The following ELL2 variants were observed in gnomAD, a reference collection of about 807,000 sequenced individuals.
The protein encoded by ELL2 is elongation factor for RNA polymerase II 2, also known as RNA polymerase II elongation factor ELL2.
In ELL2, 21 loss-of-function variants were observed where a neutral mutation model predicts 72.8. That is an observed-to-expected ratio of 0.29 (90% CI 0.20 to 0.42). The LOEUF is 0.42. Among genes scored for constraint, ELL2 ranks in the 10% least tolerant of loss-of-function variants. The pLI is 1.00. For missense variants in ELL2, 568 were observed against 772.8 expected, an observed-to-expected ratio of 0.73 and a Z score of 3.14; for synonymous variants, 266 against 283.2, an observed-to-expected ratio of 0.94 and a Z score of 0.61.
intron 2 of ELL2, among the ~76,000 whole-genome samples, chr5:95,938,533 G>A (rs1235647151): frequency 1.3e-5 from 2 of 152,120 alleles, no homozygotes; most frequent in Non-Finnish European, 2.9e-5. Context: ...AGGCCAGCCT[G>A]GGCAACACAG....
chr5:95,919,347 T>C, intron 3 of ELL2, 77 bp downstream of exon 3: 2 of 1,489,088 alleles, frequency 1.3e-6, no homozygotes, highest in Non-Finnish European at 1.8e-6. Context: ...GAATATTATG[T>C]ATTGTATTGT....
chr5:95,944,496 T>C (rs926547426), intron 1 of ELL2, among the ~76,000 whole-genome samples: 7 of 152,210 alleles, frequency 4.6e-5, no homozygotes, highest in African/African-American at 1.7e-4. Context: ...TCCAATTTTT[T>C]AGTAGATTTT....
chr5:95,913,204 G>T (rs576498393), intron 4 of ELL2: 1 of 152,316 alleles, frequency 6.6e-6, no homozygotes, highest in Non-Finnish European at 1.5e-5. Context: ...GATAGATGAG[G>T]ATGAGGATCA....
At chr5:95,950,902 GTGTATATATATA>G (rs1441914202) in intron 1 of ELL2, among the ~76,000 whole-genome samples, 4,696 of 74,990 alleles carry the variant, frequency 0.063, 243 homozygotes, top group South Asian at 0.081. Flanking sequence ...ATGTATGTAT[GTGTATATATATA>G]TATATATATA....
intron 1 of ELL2, among the ~76,000 whole-genome samples, chr5:95,951,094 G>T (rs1751377841): frequency 6.6e-6 from 1 of 151,678 alleles, no homozygotes; most frequent in Admixed American, 6.6e-5. Context: ...ACTTGGCCAG[G>T]CATGGTGGCT....
intron 2 of ELL2, among the ~76,000 whole-genome samples, chr5:95,933,795 A>AT (rs61341229): frequency 0.075 from 11,040 of 146,944 alleles, 831 homozygotes; most frequent in African/African-American, 0.19. Flanking sequence ...GAGGTTAGAG[A>AT]TTTTTTTTTT....
chr5:95,951,454 T>G (rs1751400193), intron 1 of ELL2, among the ~76,000 whole-genome samples: 1 of 152,132 alleles, frequency 6.6e-6, no homozygotes, highest in East Asian at 1.9e-4. Context: ...TCCCCCAGAT[T>G]TAATGTGGGC....
chr5:95,934,389 C>A (rs1750702410), intron 2 of ELL2, among the ~76,000 whole-genome samples: 1 of 152,086 alleles, frequency 6.6e-6, no homozygotes, highest in Non-Finnish European at 1.5e-5. Flanking sequence ...ACCCTAAGCC[C>A]CCTAAGAACC....
intron 1 of ELL2, among the ~76,000 whole-genome samples, chr5:95,951,772 G>T (rs1046809847): frequency 6.6e-6 from 1 of 152,190 alleles, no homozygotes; most frequent in Admixed American, 6.5e-5. Context: ...AGGCCACCTC[G>T]AAGTTTATGG....
chr5:95,901,600 G>T (rs561781583), intron 5 of ELL2, among the ~76,000 whole-genome samples: 1 of 152,286 alleles, frequency 6.6e-6, no homozygotes, highest in African/African-American at 2.4e-5. Context: ...ATGCCAACAT[G>T]CTGGCAACAC....
chr5:95,906,672 T>C lies in ELL2; in HGVS notation c.592A>G (p.Ser198Gly). 1 of 1,614,156 alleles carries C rather than the reference T, an allele frequency of 6.2e-7. No homozygotes were observed. ...TATGGCCTCTGAGAGATGGTGCTGCTGCTATGTGTCTTTCGAATTGTATTT... is the reference window on the plus strand; with the variant it reads ...TATGGCCTCTGAGAGATGGTGCTGCCGCTATGTGTCTTTCGAATTGTATTT... ...PANTIRKTHS[S>G]STISQRPYRD... The change falls in exon 5 of 12, where the codon AGC (serine) becomes GGC (glycine). Residue 198 changes from serine to glycine, a missense_variant. By Grantham distance (56) the Ser-to-Gly change is moderately conservative. Transcript: ENST00000237853.
intron 2 of ELL2, among the ~76,000 whole-genome samples, chr5:95,922,394 GT>G (rs998324448): frequency 1.3e-5 from 2 of 152,120 alleles, no homozygotes; most frequent in East Asian, 1.9e-4. Flanking sequence ...GAATTGTACA[GT>G]TTTTTTCCCC....
At chr5:95,901,282 G>GT (rs1749128492) in intron 5 of ELL2, 6 of 435,390 alleles carry the variant, frequency 1.4e-5, no homozygotes, top group African/African-American at 2.0e-5. Context: ...ACAGCTAAAT[G>GT]TTTTTTTCCC....
chr5:95,913,794 A>G lies in ELL2; in HGVS notation c.458T>C (p.Ile153Thr). 1 of 1,611,626 alleles carries G rather than the reference A, an allele frequency of 6.2e-7. No homozygotes were observed. The highest frequency in any genetic ancestry group is 8.5e-7 in the Non-Finnish European group (1 of 1,178,996). The change falls in exon 4 of 12, where the codon ATC (isoleucine) becomes ACC (threonine). Residue 153 changes from isoleucine to threonine, a missense_variant. By Grantham distance (89) the Ile-to-Thr change is moderately conservative. Around this residue, in one of 2 missense-constraint regions of ELL2, gnomAD observed 511 missense variants for 728.4 expected, o/e 0.70. Coordinates refer to ENST00000237853, the MANE Select transcript of ELL2 (RefSeq NM_012081.6). ...ACCTACATATGGTCCACCGGGTTTG[A>G]TAACTTTTGTGCTTCGGTTGCGGGA... ...EESRNRSTKV[I>T]KPGGPYVGKR...
At chr5:95,961,544 CTG>C (rs1751855704) in intron 1 of ELL2, 29 bp downstream of exon 1, 1 of 1,547,362 alleles carries the variant, frequency 6.5e-7, no homozygotes, top group South Asian at 1.2e-5. Context: ...CTCTGCCTCT[CTG>C]AGCCCAGCCT....
At chr5:95,950,908 A>G (rs1276889378) in intron 1 of ELL2, among the ~76,000 whole-genome samples, 108 of 16,806 alleles carry the variant, frequency 6.4e-3, no homozygotes, top group Middle Eastern at 0.04. Flanking sequence ...GTATGTGTAT[A>G]TATATATATA....
chr5:95,937,245 T>C (rs546620536), intron 2 of ELL2, among the ~76,000 whole-genome samples: 2 of 152,282 alleles, frequency 1.3e-5, no homozygotes, highest in South Asian at 4.1e-4. Context: ...CGTGAGTACT[T>C]TGAGATAGTT....
At chr5:95,936,914 C>T (rs1020074317) in intron 2 of ELL2, among the ~76,000 whole-genome samples, 2 of 152,252 alleles carry the variant, frequency 1.3e-5, no homozygotes, top group South Asian at 2.1e-4. Context: ...CAAATTTTAT[C>T]GACAAACAGA....
chr5:95,903,077 C>A (rs374657853), intron 5 of ELL2, among the ~76,000 whole-genome samples: 1 of 152,048 alleles, frequency 6.6e-6, no homozygotes, highest in Non-Finnish European at 1.5e-5. Flanking sequence ...TGAGCCACTA[C>A]GCCCCACTGG....
Sources: gnomAD v4.1 joint callset for allele counts (sites outside exome capture counted in the v4.1 genomes callset) on GRCh38, gnomAD v4.1.1 for gene constraint, gnomAD v4.1.1 regional missense constraint, MANE v1.5 for transcripts, NCBI Gene and HGNC (gene_info 2026-07-23, HGNC 2026-07-21) for gene names.